The following GPT2 variants were observed in gnomAD, a reference collection of about 807,000 sequenced individuals.
GPT2 encodes the protein alanine aminotransferase 2.
In GPT2, 30 loss-of-function variants were observed where a neutral mutation model predicts 56.9. The observed-to-expected ratio is 0.53, with a 90% CI of 0.39 to 0.72. GPT2 has a LOEUF of 0.72. GPT2 is among the 30% of genes least tolerant of loss of function. The pLI, the probability that GPT2 is intolerant of heterozygous loss-of-function variation, is 0.00. For synonymous variants in GPT2, 271 were observed against 283.1 expected, an observed-to-expected ratio of 0.96 and a Z score of 0.43; for missense variants, 542 against 703.4, an observed-to-expected ratio of 0.77 and a Z score of 2.60.
Position 46,918,733 on chromosome 16 carries a change from C to G in GPT2, c.1013C>G (p.Ser338Cys). 6.2e-7 allele frequency: 1 copy of G among 1,614,172 alleles called. No individual in the cohort carries two copies. The highest frequency in any genetic ancestry group is 8.5e-7 in the Non-Finnish European group (1 of 1,180,024). The change falls in exon 8 of 12, where the codon TCC becomes TGC. Residue 338 changes from serine to cysteine, a missense_variant. Ser to Cys is a moderately radical substitution (Grantham distance 112). Transcript: ENST00000340124. ...AACGTGGAGCTCGCCTCCTTCCACT[C>G]CACCTCCAAGGGCTACATGGGCGAG... ...SSNVELASFH[S>C]TSKGYMGECG...
intron 7 of GPT2, 42 bp downstream of exon 7, chr16:46,916,749 T>A (rs1180505042): frequency 1.5e-6 from 2 of 1,376,772 alleles, no homozygotes; most frequent in African/African-American, 1.4e-5. Flanking sequence ...ACTAGCTTTC[T>A]CTTCTAGAGG....
intron 4 of GPT2, 84 bp downstream of exon 4, chr16:46,900,874 A>T (rs1161782791): frequency 1.8e-6 from 2 of 1,084,904 alleles, no homozygotes; most frequent in East Asian, 5.0e-5. Flanking sequence ...AGGGTCCTGC[A>T]TGCGAATGGG....
intron 2 of GPT2, among the ~76,000 whole-genome samples, chr16:46,888,538 T>G (rs1451140462): frequency 6.6e-6 from 1 of 151,882 alleles, no homozygotes; most frequent in Non-Finnish European, 1.5e-5. Context: ...TAGTAGAGAT[T>G]GGGTTTCACT....
Position 46,922,371 on chromosome 16 carries a change from G to T in GPT2, c.1167G>T (p.Val389=), listed in dbSNP as rs1340830346. 1 of 1,613,808 alleles carries T rather than the reference G, an allele frequency of 6.2e-7. No individual in the cohort carries two copies. The highest frequency in any genetic ancestry group is 1.7e-5 in the Admixed American group (1 of 59,934). The change falls in exon 9 of 12, where the codon GTG becomes GTT. Residue 389 remains valine (V), a synonymous_variant. Transcript: ENST00000340124. ...VSGQAAMDIV[V]NPPVAGEESF... ...GGCAGGCCGCCATGGACATTGTCGT[G>T]AACCCCCCGGTGGCAGGAGAGGAGT...
At chr16:46,898,308 G>C in intron 3 of GPT2, among the ~76,000 whole-genome samples, 1 of 152,204 alleles carries the variant, frequency 6.6e-6, no homozygotes, top group Non-Finnish European at 1.5e-5. Flanking sequence ...CTGCACCCCT[G>C]GCTGCCTCTG....
chr16:46,923,237 G>A (rs936861520), intron 9 of GPT2, among the ~76,000 whole-genome samples: 7 of 152,100 alleles, frequency 4.6e-5, no homozygotes, highest in Admixed American at 6.5e-5. Context: ...TGTGGCAGGC[G>A]GATCACCTGA....
chr16:46,917,148 A>G (rs1961185503), intron 7 of GPT2, among the ~76,000 whole-genome samples: 1 of 152,186 alleles, frequency 6.6e-6, no homozygotes, highest in Admixed American at 6.5e-5. Flanking sequence ...AAGTCTCAGA[A>G]TTGAGCTTCA....
chr16:46,898,472 C>G (rs1431869716), intron 3 of GPT2, among the ~76,000 whole-genome samples: 1 of 152,194 alleles, frequency 6.6e-6, no homozygotes, highest in East Asian at 1.9e-4. Flanking sequence ...CAGGGCAGGA[C>G]AGAGGCGGGA....
intron 11 of GPT2, 40 bp from the exon 12 acceptor site, chr16:46,928,867 T>G: frequency 6.7e-7 from 1 of 1,493,516 alleles, no homozygotes. Flanking sequence ...TCTCCCATCT[T>G]GCAGAGCAGC....
intron 2 of GPT2, among the ~76,000 whole-genome samples, chr16:46,888,496 G>A (rs954140269): frequency 1.3e-5 from 2 of 152,034 alleles, no homozygotes; most frequent in African/African-American, 4.8e-5. Flanking sequence ...ACAGGTGCCC[G>A]CCGCCACACC....
intron 9 of GPT2, chr16:46,923,947 G>A (rs1961347132): frequency 1.1e-5 from 3 of 282,646 alleles, no homozygotes; most frequent in African/African-American, 4.4e-5. Context: ...ATCCTGGTAC[G>A]AGAATAGAAC....
At chr16:46,927,297 G>A (rs888271005) in intron 11 of GPT2, among the ~76,000 whole-genome samples, 2 of 152,146 alleles carry the variant, frequency 1.3e-5, no homozygotes, top group African/African-American at 4.8e-5. Context: ...TCTGCCATCG[G>A]TCCCATCGCT....
intron 10 of GPT2, among the ~76,000 whole-genome samples, chr16:46,925,854 C>A (rs1961396534): frequency 6.6e-6 from 1 of 151,684 alleles, no homozygotes; most frequent in Non-Finnish European, 1.5e-5. Context: ...AATCCCTGGG[C>A]CAGGTGTGGT....
chr16:46,889,919 C>T (rs1258300367), intron 2 of GPT2, among the ~76,000 whole-genome samples: 1 of 152,184 alleles, frequency 6.6e-6, no homozygotes, highest in Admixed American at 6.5e-5. Context: ...GCTCTTTCCT[C>T]CTGGGCCTCT....
At chr16:46,900,415 G>T (rs1445393284) in intron 3 of GPT2, among the ~76,000 whole-genome samples, 1 of 152,160 alleles carries the variant, frequency 6.6e-6, no homozygotes, top group Non-Finnish European at 1.5e-5. Flanking sequence ...TGGGCCAGGG[G>T]CGAAGTAGCA....
chr16:46,885,450 G>T, intron 2 of GPT2: 1 of 981,572 alleles, frequency 1.0e-6, no homozygotes, highest in African/African-American at 1.7e-5. Flanking sequence ...CTCTTTCTCC[G>T]TGTCTTTGGC....
At position 46,895,538 on chromosome 16, in the gene GPT2, CA is replaced by C. The variant is rs906796705; in HGVS notation, c.244-2102del. Among the ~76,000 whole-genome samples, 11 of 151,166 alleles carry C rather than the reference CA, an allele frequency of 7.3e-5. No homozygotes were observed. The East Asian group carries it at 1.4e-3, about 19-fold the overall frequency. ...AAACCCTGTCTCAAAAAAAAAACAA[CA>C]AAAAAAAGGGTCTCACTCTGATGCC... On this transcript the variant is annotated intron_variant, in intron 2 of 11. Transcript: ENST00000340124.
Position 46,915,705 on chromosome 16 carries a change from TACAC to T in GPT2, c.821-916_821-913del, listed in dbSNP as rs200480200. On this transcript the variant is annotated intron_variant, in intron 6 of 11. Transcript: ENST00000340124. ...CACCTATACACACACCACACACAGATACACACACACTCATACCCCCACCACACCC... is the reference window on the plus strand; with the variant it reads ...CACCTATACACACACCACACACAGATACACACTCATACCCCCACCACACCC... 8.9e-3 allele frequency: 1,059 copies of T among 119,422 alleles called. 15 individuals are homozygous for T. Among genetic ancestry groups the T allele is most frequent in the African/African-American group, 0.031 (937 of 30,478 alleles). 7.4% of individuals were successfully genotyped at this position (119,422 alleles called of 1,614,324 possible).
intron 6 of GPT2, among the ~76,000 whole-genome samples, chr16:46,913,792 G>A (rs537411911): frequency 6.6e-6 from 1 of 152,124 alleles, no homozygotes; most frequent in South Asian, 2.1e-4. Flanking sequence ...ACAGTAATAG[G>A]CTGGGTACAG....
Sources: gnomAD v4.1 joint callset for allele counts (sites outside exome capture counted in the v4.1 genomes callset) on GRCh38, gnomAD v4.1.1 for gene constraint, MANE v1.5 for transcripts, NCBI Gene and HGNC (gene_info 2026-07-23, HGNC 2026-07-21) for gene names.